CARS2: variants seen among roughly 807,000 people sequenced by gnomAD.
The protein encoded by CARS2 is cysteinyl-tRNA synthetase 2, mitochondrial.
Under a neutral mutation model 68.8 loss-of-function variants are expected in CARS2, and 52 were observed. That is an observed-to-expected ratio of 0.76 (90% confidence interval 0.61 to 0.95). CARS2 has a LOEUF of 0.95. Among genes scored for constraint, CARS2 ranks in the 40% least tolerant of loss-of-function variants. CARS2 has a pLI of 0.00. For synonymous variants in CARS2, 314 were observed against 303.6 expected, an observed-to-expected ratio of 1.03 and a Z score of -0.36; for missense variants, 780 against 754.2, an observed-to-expected ratio of 1.03 and a Z score of -0.40.
At chr13:110,641,795 G>A (rs1887344181) in intron 14 of CARS2, among the ~76,000 whole-genome samples, 187 bp from the exon 15 acceptor site, 1 of 152,246 alleles carries the variant, frequency 6.6e-6, no homozygotes, top group Non-Finnish European at 1.5e-5. Context: ...ACCTGCAGGA[G>A]GTGGCGGGGG....
chr13:110,687,770 A>G lies in CARS2; in HGVS notation c.522T>C (p.Ser174=), dbSNP rs756008590. ...CACGAGCAATGATTCCTTCAATGAA[A>G]GAAATTATCTGAGGAATATTTTCGG... ...RVTENIPQII[S]FIEGIIARGN... Residue 174 remains serine (S), a synonymous_variant, in exon 5 of 15, where the codon TCT becomes TCC. Transcript: ENST00000257347. 1.2e-6 allele frequency: 2 copies of G among 1,613,638 alleles called. No individual in the cohort carries two copies. The highest frequency in any genetic ancestry group is 2.2e-5 in the South Asian group (2 of 91,066).
intron 8 of CARS2, chr13:110,664,915 C>A: frequency 2.5e-6 from 2 of 795,416 alleles, no homozygotes; most frequent in Non-Finnish European, 3.0e-6. Flanking sequence ...TCCCAGCCAG[C>A]AGAACTGTGA....
At chr13:110,651,987 C>G (rs759688638) in intron 9 of CARS2, among the ~76,000 whole-genome samples, 5 of 152,240 alleles carry the variant, frequency 3.3e-5, no homozygotes, top group African/African-American at 1.2e-4. Flanking sequence ...CGCGCTCCGA[C>G]GGGAGCCCGA....
chr13:110,675,799 C>T lies in CARS2; in HGVS notation c.785+1175G>A, dbSNP rs148576836. 9.1e-4 allele frequency among the ~76,000 whole-genome samples: 138 copies of T among 152,298 alleles called. 4 individuals carry two copies. In the East Asian group the frequency reaches 0.014, roughly 16 times the overall value. On this transcript the variant is annotated intron_variant, in intron 7 of 14. Transcript: ENST00000257347. ...ACTGAAACGCTAGGAACAGTCTAAA[C>T]GCGCGGCTGGGTACCCTGCTGCCTG...
chr13:110,708,794 C>T (rs1437064631), upstream of CARS2, among the ~76,000 whole-genome samples: 1 of 152,006 alleles, frequency 6.6e-6, no homozygotes, highest in Admixed American at 6.6e-5. Context: ...CACTCTATCA[C>T]CCAGGCTGGA....
At chr13:110,684,307 A>G (rs1031773220) in intron 5 of CARS2, among the ~76,000 whole-genome samples, 11 of 152,090 alleles carry the variant, frequency 7.2e-5, no homozygotes, top group Non-Finnish European at 1.6e-4. Context: ...TAATGCAGTT[A>G]CTGATTTGCA....
At chr13:110,712,875 C>G in intron 1 of CARS2, 2 of 1,376,834 alleles carry the variant, frequency 1.5e-6, no homozygotes, top group Non-Finnish European at 2.0e-6. Context: ...CAAGCCGTTC[C>G]AAACTGAGTA....
chr13:110,672,195 C>T (rs1468404032), intron 7 of CARS2, among the ~76,000 whole-genome samples: 1 of 152,206 alleles, frequency 6.6e-6, no homozygotes, highest in Admixed American at 6.5e-5. Context: ...GAATTGAACT[C>T]AGATCTGCAC....
intron 10 of CARS2, among the ~76,000 whole-genome samples, chr13:110,649,739 C>G (rs1361117671): frequency 6.6e-6 from 1 of 152,054 alleles, no homozygotes; most frequent in Non-Finnish European, 1.5e-5. Context: ...GAGGGGACAC[C>G]AGAGGCCAGA....
intron 3 of CARS2, among the ~76,000 whole-genome samples, chr13:110,689,428 G>A (rs1197660398): frequency 6.6e-6 from 1 of 152,226 alleles, no homozygotes; most frequent in African/African-American, 2.4e-5. Flanking sequence ...CCAACCATGT[G>A]ACCCTGAGAC....
rs1353417512 is a variant in CARS2 at position 110,649,939 on chromosome 13, T to G, written c.1054+1095A>C. ...GCAGCTCTGGATAACGACTTTTTTT[T>G]TTTTTTTTTTTTTTTTGAGACAGGG... On this transcript the variant is annotated intron_variant, in intron 10 of 14. Transcript: ENST00000257347. 3.5e-5 allele frequency among the ~76,000 whole-genome samples: 5 copies of G among 144,324 alleles called. No homozygotes were observed. The East Asian group carries it at 6.3e-4, about 18-fold the overall frequency. The allele number at this position is 144,324 out of a possible 152,430, so 94.7% of individuals were successfully genotyped here.
At chr13:110,650,531 G>A (rs923250355) in intron 10 of CARS2, 1 of 153,624 alleles carries the variant, frequency 6.5e-6, no homozygotes, top group Non-Finnish European at 1.4e-5. Flanking sequence ...TGCCAGGCCA[G>A]TGCTAGACAA....
chr13:110,652,236 C>T (rs1332588041), intron 9 of CARS2, among the ~76,000 whole-genome samples: 1 of 152,276 alleles, frequency 6.6e-6, no homozygotes, highest in East Asian at 1.9e-4. Flanking sequence ...GACACCAACC[C>T]ACAGTCTGCA....
chr13:110,652,367 T>C (rs1324117470), intron 9 of CARS2, among the ~76,000 whole-genome samples: 1 of 152,224 alleles, frequency 6.6e-6, no homozygotes. Context: ...TCACAACACA[T>C]GGTATTTTAT....
At chr13:110,666,880 G>A (rs982874155) in intron 8 of CARS2, 13 of 985,284 alleles carry the variant, frequency 1.3e-5, no homozygotes, top group African/African-American at 1.0e-4. Flanking sequence ...TGCTGGGTTC[G>A]AGGTGTTGCT....
At chr13:110,713,441 G>T (rs1220807046) in exon 1 of CARS2, 1 of 995,858 alleles carries the variant, frequency 1.0e-6, no homozygotes, top group East Asian at 1.1e-4. Flanking sequence ...AAAACTCCTA[G>T]TAAAGTTTGC....
intron 9 of CARS2, among the ~76,000 whole-genome samples, chr13:110,655,524 G>A (rs536138969): frequency 6.6e-6 from 1 of 152,334 alleles, no homozygotes; most frequent in South Asian, 2.1e-4. Context: ...CTACACGACT[G>A]TGTGTGAAGG....
rs771113947 is a variant in CARS2 at position 110,651,050 on chromosome 13, C to T, written c.1038G>A (p.Arg346=). ...SPDVFRFFCL[R]SSYRSAIDYS... Reference sequence around the variant, plus strand: ...TCGGCTCACCTGAGCGGTAGCTGCTCCGCAGGCAGAAGAACCGGAAGACAT... The same window carrying T: ...TCGGCTCACCTGAGCGGTAGCTGCTTCGCAGGCAGAAGAACCGGAAGACAT... The change falls in exon 10 of 15, where the codon CGG becomes CGA. Residue 346 remains arginine (R), a synonymous_variant. Transcript: ENST00000257347. 3.1e-6 allele frequency: 5 copies of T among 1,613,324 alleles called. No individual in the cohort carries two copies. In the East Asian group the frequency reaches 8.9e-5, roughly 29 times the overall value.
rs941651025 is a variant in CARS2, at chr13:110,653,983, G to A, written c.988-2883C>T. On this transcript the variant is annotated intron_variant, in intron 9 of 14. Transcript: ENST00000257347. The surrounding 1 kb of genome is among the most constrained non-coding windows in gnomAD (Gnocchi z 5.6). Reference sequence around the variant, plus strand: ...AATGTGGCGACGGCAGTGTAAGCTCGTGCTGGAACTCTCCAGGAGGTAAGC... The same window carrying A: ...AATGTGGCGACGGCAGTGTAAGCTCATGCTGGAACTCTCCAGGAGGTAAGC... 3.9e-5 allele frequency among the ~76,000 whole-genome samples: 6 copies of A among 152,200 alleles called. No individual in the cohort carries two copies. Among genetic ancestry groups the A allele is most frequent in the South Asian group, 4.1e-4 (2 of 4,832 alleles).
Sources: gnomAD v4.1 joint callset for allele counts (sites outside exome capture counted in the v4.1 genomes callset) on GRCh38, gnomAD v4.1.1 for gene constraint, Gnocchi (gnomAD v3.1) non-coding constraint, MANE v1.5 for transcripts, NCBI Gene and HGNC (gene_info 2026-07-23, HGNC 2026-07-21) for gene names.